The following ADAMTSL1 variants were observed in gnomAD, a reference collection of about 807,000 sequenced individuals.
ADAMTSL1 encodes the protein ADAMTS-like protein 1.
Under a neutral mutation model 201.8 loss-of-function variants are expected in ADAMTSL1, and 126 were observed. The ratio of observed to expected loss-of-function variants is 0.62; its 90% CI spans 0.54 to 0.72. The LOEUF is 0.72. ADAMTSL1 is among the 30% of genes least tolerant of loss of function. The pLI is 0.00. For missense variants in ADAMTSL1, 2,679 were observed against 2,277.8 expected (o/e 1.18, Z -3.59); for synonymous variants, 1,121 against 903.4 (o/e 1.24, Z -4.32).
At chr9:18,047,475 G>T (rs1176559290) in intron 1 of ADAMTSL1, among the ~76,000 whole-genome samples, 1 of 152,150 alleles carries the variant, frequency 6.6e-6, no homozygotes, top group Non-Finnish European at 1.5e-5. Context: ...CCAAGGCTGA[G>T]AAACATTCCT....
At chr9:18,535,119 T>C (rs775146062) in intron 3 of ADAMTSL1, among the ~76,000 whole-genome samples, 28 of 152,234 alleles carry the variant, frequency 1.8e-4, no homozygotes, top group Non-Finnish European at 2.5e-4. Context: ...GCAAATTTTC[T>C]ATAGTTTTAT....
chr9:18,190,849 A>C (rs1828940844), intron 2 of ADAMTSL1, among the ~76,000 whole-genome samples: 1 of 152,066 alleles, frequency 6.6e-6, no homozygotes, highest in Non-Finnish European at 1.5e-5. Context: ...CTGACCACCC[A>C]CCAATAAGTG....
chr9:18,441,897 G>A (rs914058972), intron 2 of ADAMTSL1, among the ~76,000 whole-genome samples: 2 of 152,158 alleles, frequency 1.3e-5, no homozygotes, highest in African/African-American at 4.8e-5. Flanking sequence ...GCACAAGTGT[G>A]CAGACATTTA....
chr9:18,606,697 C>T (rs1889009), intron 4 of ADAMTSL1, among the ~76,000 whole-genome samples: 61,427 of 151,916 alleles, frequency 0.4, 13,023 homozygotes, highest in East Asian at 0.63. Context: ...ACAGGCTTCA[C>T]GAACTCTGTA....
intron 1 of ADAMTSL1, among the ~76,000 whole-genome samples, chr9:18,077,034 C>T (rs116532614): frequency 1.5e-3 from 235 of 152,138 alleles, no homozygotes; most frequent in African/African-American, 4.6e-3. Flanking sequence ...TGTCTTTAAA[C>T]GTTGGCCACA....
chr9:18,311,904 G>GA (rs893966048), intron 2 of ADAMTSL1, among the ~76,000 whole-genome samples: 55 of 151,132 alleles, frequency 3.6e-4, no homozygotes, highest in East Asian at 1.6e-3. Flanking sequence ...AGTGGGCAAG[G>GA]AAAAAAAAAT....
chr9:18,791,807 A>C (rs929474628), intron 19 of ADAMTSL1, among the ~76,000 whole-genome samples: 1 of 152,204 alleles, frequency 6.6e-6, no homozygotes, highest in African/African-American at 2.4e-5. Flanking sequence ...CATGATCTAC[A>C]TGTCACCGTT....
At chr9:18,197,642 T>A (rs1371068201) in intron 2 of ADAMTSL1, among the ~76,000 whole-genome samples, 1 of 149,066 alleles carries the variant, frequency 6.7e-6, no homozygotes, top group Non-Finnish European at 1.5e-5. Flanking sequence ...CAATTTGACT[T>A]CCTCTTTTCC....
intron 1 of ADAMTSL1, among the ~76,000 whole-genome samples, chr9:18,073,943 G>A (rs1270067396): frequency 2.0e-5 from 3 of 151,646 alleles, no homozygotes; most frequent in South Asian, 2.1e-4. Flanking sequence ...CACACGGGAG[G>A]TTATCAGCCT....
At chr9:18,903,398 G>C (rs969763037) in intron 26 of ADAMTSL1, among the ~76,000 whole-genome samples, 2 of 151,920 alleles carry the variant, frequency 1.3e-5, no homozygotes, top group Non-Finnish European at 2.9e-5. Context: ...TTCAAAAACA[G>C]GCATAAACTA....
chr9:18,646,633 A>G (rs1827829569), intron 7 of ADAMTSL1, among the ~76,000 whole-genome samples: 3 of 149,110 alleles, frequency 2.0e-5, no homozygotes, highest in Non-Finnish European at 3.0e-5. Flanking sequence ...CCTTTTCTGC[A>G]TCTATTGAGA....
chr9:18,805,752 C>T (rs1588140324), intron 20 of ADAMTSL1, among the ~76,000 whole-genome samples: 1 of 152,184 alleles, frequency 6.6e-6, no homozygotes, highest in Non-Finnish European at 1.5e-5. Flanking sequence ...GAATGTAACT[C>T]GGAATCCGTA....
intron 3 of ADAMTSL1, among the ~76,000 whole-genome samples, chr9:18,533,896 G>A (rs1819598838): frequency 6.6e-6 from 1 of 152,168 alleles, no homozygotes; most frequent in Admixed American, 6.5e-5. Context: ...AAAGGAAAAG[G>A]TGATTTGAGA....
At chr9:18,760,077 C>T (rs1375538569) in intron 16 of ADAMTSL1, among the ~76,000 whole-genome samples, 1 of 152,166 alleles carries the variant, frequency 6.6e-6, no homozygotes, top group Non-Finnish European at 1.5e-5. Flanking sequence ...AAGCTTAATA[C>T]ATACCTGCCT....
chr9:18,341,194 C>T (rs1222895466), intron 2 of ADAMTSL1, among the ~76,000 whole-genome samples: 1 of 152,122 alleles, frequency 6.6e-6, no homozygotes, highest in African/African-American at 2.4e-5. Context: ...ATTTGCAAGG[C>T]TCCTCACAAG....
intron 2 of ADAMTSL1, among the ~76,000 whole-genome samples, chr9:18,309,798 A>C (rs957202103): frequency 7.9e-5 from 12 of 151,860 alleles, no homozygotes; most frequent in Non-Finnish European, 1.3e-4. Context: ...CCATCAAGCT[A>C]CCACTGACTT....
intron 13 of ADAMTSL1, among the ~76,000 whole-genome samples, chr9:18,700,105 C>T (rs945561623): frequency 6.6e-5 from 10 of 152,200 alleles, no homozygotes; most frequent in African/African-American, 1.7e-4. Flanking sequence ...ATGATTTAGG[C>T]GTGGTTCTAA....
At chr9:18,485,586 G>A (rs1162215055) in intron 1 of ADAMTSL1, among the ~76,000 whole-genome samples, 2 of 152,208 alleles carry the variant, frequency 1.3e-5, no homozygotes, top group Non-Finnish European at 2.9e-5. Flanking sequence ...TCTGTCTGAT[G>A]TGTCCCAGGC....
chr9:18,336,365 GC>G (rs1835242350), intron 2 of ADAMTSL1, among the ~76,000 whole-genome samples: 1 of 150,718 alleles, frequency 6.6e-6, no homozygotes, highest in South Asian at 2.1e-4. Context: ...AGGACTATCA[GC>G]CATGAATAGA....
Sources: gnomAD v4.1 joint callset for allele counts (sites outside exome capture counted in the v4.1 genomes callset) on GRCh38, gnomAD v4.1.1 for gene constraint, MANE v1.5 for transcripts, NCBI Gene and HGNC (gene_info 2026-07-23, HGNC 2026-07-21) for gene names.